FKBP9: variants seen among roughly 807,000 people sequenced by gnomAD.
FKBP9 encodes FKBP prolyl isomerase 9.
FKBP9 carries 27 observed loss-of-function variants against 55.6 expected under a neutral mutation model. The observed-to-expected ratio is 0.49, with a 90% CI of 0.36 to 0.67. The LOEUF (loss-of-function observed/expected upper bound fraction) is 0.67. Ranked by LOEUF, FKBP9 falls within the 30% of genes least tolerant of loss-of-function variation. The pLI, the probability that FKBP9 is intolerant of heterozygous loss-of-function variation, is 0.00. For missense variants in FKBP9, 539 were observed against 742.8 expected (o/e 0.73, Z 3.19); for synonymous variants, 267 against 296.5 (o/e 0.90, Z 1.02).
intron 5 of FKBP9, among the ~76,000 whole-genome samples, chr7:32,984,959 C>G (rs2127984615): frequency 6.6e-6 from 1 of 152,248 alleles, no homozygotes; most frequent in East Asian, 1.9e-4. Flanking sequence ...ACAACTTTAA[C>G]TATGATTAAC....
At chr7:32,996,855 C>T (rs1414872324) in intron 7 of FKBP9, among the ~76,000 whole-genome samples, 10 of 123,828 alleles carry the variant, frequency 8.1e-5, no homozygotes, top group South Asian at 2.6e-4. Context: ...ACTGCAGTGG[C>T]GCAATCTTGG....
At chr7:32,994,753 G>C (rs577609249) in intron 6 of FKBP9, among the ~76,000 whole-genome samples, 1 of 152,030 alleles carries the variant, frequency 6.6e-6, no homozygotes, top group Non-Finnish European at 1.5e-5. Context: ...TAATTTAGAA[G>C]AATGCCTGGT....
intron 1 of FKBP9, among the ~76,000 whole-genome samples, chr7:32,959,206 C>T (rs1015736574): frequency 4.6e-5 from 7 of 151,398 alleles, no homozygotes; most frequent in Non-Finnish European, 5.9e-5. Context: ...GAGATCGAGA[C>T]CATCCTGGCT....
At chr7:32,972,223 G>A (rs1365745082) in intron 1 of FKBP9, among the ~76,000 whole-genome samples, 2 of 152,110 alleles carry the variant, frequency 1.3e-5, no homozygotes, top group African/African-American at 4.8e-5. Context: ...AGAGGGTGGA[G>A]GTGTAAAGCT....
At position 32,975,042 on chromosome 7, in the gene FKBP9, A is replaced by G. The variant is rs958750257; in HGVS notation, c.368-140A>G. ...TCATTTGGAGGAAAGAGGGAGGAAG[A>G]ATGGGTCATTTTGGGATTGTATAGC... is the stretch of plus-strand genomic sequence containing the variant. On this transcript the variant is annotated intron_variant, in intron 2 of 9. Transcript: ENST00000242209. 32 of 705,446 alleles carry G rather than the reference A, an allele frequency of 4.5e-5. No homozygotes were observed. In the African/African-American group the frequency reaches 5.5e-4, roughly 12 times the overall value. The allele number at this position is 705,446 out of a possible 1,614,324, so 43.7% of individuals were successfully genotyped here.
intron 5 of FKBP9, among the ~76,000 whole-genome samples, chr7:32,981,264 A>G (rs1784470844): frequency 6.6e-6 from 1 of 152,170 alleles, no homozygotes; most frequent in Non-Finnish European, 1.5e-5. Context: ...GGTTAGATTA[A>G]AGAGATAAGG....
At chr7:32,998,039 G>A (rs1482479691) in intron 7 of FKBP9, among the ~76,000 whole-genome samples, 4 of 152,204 alleles carry the variant, frequency 2.6e-5, no homozygotes, top group Admixed American at 2.0e-4. Context: ...AGGTTAAACT[G>A]TGAAAAAATA....
rs1272407143 is a variant in FKBP9, at chr7:32,996,266, C to A, written c.1143C>A (p.Asp381Glu). ...TCACCTCCCACTACAAACCCCCTGA[C>A]TGCTCAGTGCTGAGTAAGAAGGGAG... ...ISITSHYKPP[D>E]CSVLSKKGDY... is the part of the protein sequence containing the mutation. Residue 381 changes from aspartate (D) to glutamate (E), a missense_variant, in exon 7 of 10, where the codon GAC becomes GAA. Asp to Glu is a conservative substitution (Grantham distance 45). Around this residue, in one of 4 missense-constraint regions of FKBP9, gnomAD observed 172 missense variants for 205.3 expected, o/e 0.84. Transcript: ENST00000242209. The A allele has an allele frequency of 1.9e-6, 3 of 1,614,012 alleles. No individual in the cohort carries two copies. Among genetic ancestry groups the A allele is most frequent in the Non-Finnish European group, 2.5e-6 (3 of 1,179,954 alleles).
At chr7:32,974,395 CT>C (rs1784319537) in intron 1 of FKBP9, among the ~76,000 whole-genome samples, 2 of 147,340 alleles carry the variant, frequency 1.4e-5, no homozygotes, top group Non-Finnish European at 3.0e-5. Flanking sequence ...TATGCTGATT[CT>C]TATTGAACTA....
chr7:32,988,993 T>G (rs1784632445), intron 6 of FKBP9: 1 of 174,770 alleles, frequency 5.7e-6, no homozygotes, highest in Admixed American at 6.0e-5. Flanking sequence ...TATTTCTCCT[T>G]GTTTCTCTGC....
chr7:32,977,265 A>T (rs1437255711), intron 4 of FKBP9, among the ~76,000 whole-genome samples: 1 of 152,248 alleles, frequency 6.6e-6, no homozygotes, highest in Non-Finnish European at 1.5e-5. Context: ...AGACATTTAA[A>T]CAGCAGATGG....
chr7:33,002,604 G>T, intron 8 of FKBP9, 72 bp from the exon 9 acceptor site: 3 of 1,577,950 alleles, frequency 1.9e-6, no homozygotes, highest in Admixed American at 1.8e-5. Context: ...GGAGGTTGGG[G>T]TGGGTGCTGG....
intron 6 of FKBP9, 21 bp downstream of exon 6, chr7:32,988,673 C>T: frequency 6.2e-7 from 1 of 1,611,962 alleles, no homozygotes; most frequent in South Asian, 1.1e-5. Context: ...GCATCACCTG[C>T]CTTCCTCACT....
chr7:32,978,628 G>A (rs1300947411), intron 4 of FKBP9, among the ~76,000 whole-genome samples: 2 of 152,072 alleles, frequency 1.3e-5, no homozygotes, highest in African/African-American at 4.8e-5. Flanking sequence ...AAAGCGCTGG[G>A]ATTACGGGTG....
intron 9 of FKBP9, among the ~76,000 whole-genome samples, chr7:33,004,749 G>T (rs1210038231): frequency 6.6e-6 from 1 of 152,206 alleles, no homozygotes; most frequent in Admixed American, 6.5e-5. Flanking sequence ...GGGGCAGGGT[G>T]TTTGTGTATT....
intron 6 of FKBP9, 87 bp downstream of exon 6, chr7:32,988,739 T>C (rs1471328047): frequency 8.3e-6 from 11 of 1,326,792 alleles, no homozygotes; most frequent in Non-Finnish European, 1.1e-5. Context: ...TTTTCTTCTT[T>C]CTTTTTGAGA....
At chr7:32,998,269 C>T (rs1368368663) in intron 7 of FKBP9, among the ~76,000 whole-genome samples, 1 of 152,078 alleles carries the variant, frequency 6.6e-6, no homozygotes, top group Admixed American at 6.6e-5. Context: ...TCTGTAAGGT[C>T]CGTGGCTGCT....
At chr7:32,979,281 A>G (rs1226070552) in intron 4 of FKBP9, among the ~76,000 whole-genome samples, 1 of 152,190 alleles carries the variant, frequency 6.6e-6, no homozygotes, top group Non-Finnish European at 1.5e-5. Flanking sequence ...GAAAAAAAAA[A>G]AGAAAAGAAA....
In FKBP9 at chr7:32,957,570, C is replaced by A; in HGVS notation, c.-4C>A. ...GCGTCCGCGCCACTCTTCTCGCCGCCCCGATGGCGTTCCGGGGCTGGAGGC... is the reference window on the plus strand; with the variant it reads ...GCGTCCGCGCCACTCTTCTCGCCGCACCGATGGCGTTCCGGGGCTGGAGGC... On this transcript the variant is annotated 5_prime_UTR_variant, in exon 1 of 10. Transcript: ENST00000242209. 1 of 1,459,484 alleles carries A rather than the reference C, an allele frequency of 6.9e-7. No individual in the cohort carries two copies. Among genetic ancestry groups the A allele is most frequent in the Non-Finnish European group, 9.0e-7 (1 of 1,114,914 alleles). 90.4% of individuals were successfully genotyped at this position (1,459,484 alleles called of 1,614,324 possible).
Sources: gnomAD v4.1 joint callset for allele counts (sites outside exome capture counted in the v4.1 genomes callset) on GRCh38, gnomAD v4.1.1 for gene constraint, gnomAD v4.1.1 regional missense constraint, MANE v1.5 for transcripts, NCBI Gene and HGNC (gene_info 2026-07-23, HGNC 2026-07-21) for gene names.